ARIH2: variants seen among roughly 807,000 people sequenced by gnomAD.
ARIH2 encodes E3 ubiquitin-protein ligase ARIH2.
A neutral mutation model predicts 79.8 loss-of-function variants in ARIH2; 12 were observed. The ratio of observed to expected loss-of-function variants is 0.15; its 90% CI spans 0.10 to 0.24. The LOEUF (loss-of-function observed/expected upper bound fraction) is 0.24. Among genes scored for constraint, ARIH2 ranks in the 10% least tolerant of loss-of-function variants. The pLI is 1.00. For synonymous variants in ARIH2, 224 were observed against 213.9 expected, an observed-to-expected ratio of 1.05 and a Z score of -0.41; for missense variants, 301 against 618.3, an observed-to-expected ratio of 0.49 and a Z score of 5.44.
intron 3 of ARIH2, among the ~76,000 whole-genome samples, chr3:48,936,361 A>C (rs570135596): frequency 5.9e-5 from 9 of 152,256 alleles, no homozygotes; most frequent in African/African-American, 1.7e-4. Flanking sequence ...TTATTTCTTA[A>C]ACTGACATGA....
intron 3 of ARIH2, chr3:48,944,980 A>T: frequency 2.0e-6 from 1 of 500,186 alleles, no homozygotes; most frequent in Non-Finnish European, 3.4e-6. Context: ...TCTGCTTTTT[A>T]GTGAGTGACC....
intron 3 of ARIH2, among the ~76,000 whole-genome samples, chr3:48,940,225 C>T (rs1559751328): frequency 1.3e-5 from 2 of 152,072 alleles, no homozygotes; most frequent in Admixed American, 6.5e-5. Context: ...AAAAAATTAG[C>T]TGGGCGTGGT....
intron 3 of ARIH2, among the ~76,000 whole-genome samples, chr3:48,950,951 CT>C (rs748827327): frequency 0.018 from 2,378 of 129,126 alleles, 41 homozygotes; most frequent in African/African-American, 0.057. Flanking sequence ...CTTTCTTCTT[CT>C]TTTTTTTTTT....
intron 3 of ARIH2, among the ~76,000 whole-genome samples, chr3:48,941,136 C>T (rs1365787115): frequency 6.0e-5 from 9 of 149,186 alleles, no homozygotes; most frequent in African/African-American, 2.0e-4. Flanking sequence ...CGTGCCACTG[C>T]ACTCCAGCCT....
intron 1 of ARIH2, among the ~76,000 whole-genome samples, chr3:48,919,974 ATTTT>A (rs768780567): frequency 9.6e-5 from 13 of 135,470 alleles, no homozygotes; most frequent in Non-Finnish European, 9.7e-5. Context: ...TCTGGAGGAA[ATTTT>A]TTTTTTTTTT....
At chr3:48,961,037 A>G (rs537424014) in intron 3 of ARIH2, among the ~76,000 whole-genome samples, 1 of 152,328 alleles carries the variant, frequency 6.6e-6, no homozygotes, top group Non-Finnish European at 1.5e-5. Flanking sequence ...CCCTGAGAGC[A>G]TATAGAGGCC....
At position 48,939,521 on chromosome 3, in the gene ARIH2, G is replaced by T. The variant is rs529592376; in HGVS notation, c.255+11708G>T. On this transcript the variant is annotated intron_variant, in intron 3 of 15. Coordinates refer to ENST00000356401, the MANE Select transcript of ARIH2 (RefSeq NM_006321.4). ...GCCTGTAATCCCAGCACTTTGGGAGGCCGAGGCGGGTGGATCATGAGGTCA... is the reference window on the plus strand; with the variant it reads ...GCCTGTAATCCCAGCACTTTGGGAGTCCGAGGCGGGTGGATCATGAGGTCA... Among the ~76,000 whole-genome samples the T allele has an allele frequency of 1.9e-4, 28 of 150,622 alleles. No homozygotes were observed. In the South Asian group the frequency reaches 2.9e-3, roughly 15 times the overall value.
intron 3 of ARIH2, among the ~76,000 whole-genome samples, chr3:48,937,871 C>T (rs568831022): frequency 9.2e-5 from 14 of 152,068 alleles, no homozygotes; most frequent in Non-Finnish European, 1.3e-4. Context: ...CACAATGAAA[C>T]GCCGTCTCTA....
intron 3 of ARIH2, among the ~76,000 whole-genome samples, chr3:48,956,199 T>A (rs1327446576): frequency 6.6e-6 from 1 of 151,438 alleles, no homozygotes; most frequent in Admixed American, 6.6e-5. Flanking sequence ...AGTGCAGTGG[T>A]ACCATGTCGG....
intron 6 of ARIH2, 173 bp from the exon 7 acceptor site, chr3:48,968,361 C>T (rs2091948935): frequency 2.2e-6 from 1 of 459,002 alleles, no homozygotes; most frequent in Non-Finnish European, 4.0e-6. Context: ...GCGCCCGCCA[C>T]TACGCCCGGC....
At chr3:48,962,521 C>T (rs1366085563) in intron 4 of ARIH2, among the ~76,000 whole-genome samples, 1 of 152,184 alleles carries the variant, frequency 6.6e-6, no homozygotes, top group Non-Finnish European at 1.5e-5. Context: ...TACAAGTTGT[C>T]AGGAAAAGGG....
intron 3 of ARIH2, among the ~76,000 whole-genome samples, chr3:48,939,757 C>CAAAAAAAAAAAAA (rs1190260583): frequency 1.4e-4 from 6 of 43,530 alleles, no homozygotes; most frequent in East Asian, 1.1e-3. Flanking sequence ...GACTCCATCT[C>CAAAAAAAAAAAAA]AAAAAAAAAA....
chr3:48,977,797 T>C (rs2092588883), intron 11 of ARIH2, among the ~76,000 whole-genome samples: 2 of 152,098 alleles, frequency 1.3e-5, no homozygotes, highest in South Asian at 4.1e-4. Flanking sequence ...ACCTAGCTAA[T>C]TAAGGAGAGG....
chr3:48,980,122 G>T, intron 12 of ARIH2: 1 of 398,796 alleles, frequency 2.5e-6, no homozygotes, highest in Non-Finnish European at 4.5e-6. Flanking sequence ...GAGTCCTCAG[G>T]GCTCGAGTCC....
intron 3 of ARIH2, among the ~76,000 whole-genome samples, chr3:48,931,327 C>T (rs941794408): frequency 1.3e-5 from 2 of 152,050 alleles, no homozygotes; most frequent in East Asian, 1.9e-4. Context: ...GGGTGGATCA[C>T]GAGGTCAGGA....
At chr3:48,935,808 C>T (rs552643020) in intron 3 of ARIH2, among the ~76,000 whole-genome samples, 2 of 152,246 alleles carry the variant, frequency 1.3e-5, no homozygotes, top group Admixed American at 6.5e-5. Context: ...TTCCTTAAAA[C>T]ACATTCTCAG....
chr3:48,922,214 GC>G (rs1258097867), intron 1 of ARIH2: 1 of 151,750 alleles, frequency 6.6e-6, no homozygotes, highest in Non-Finnish European at 1.5e-5. Flanking sequence ...ACAGAGGGAG[GC>G]CCTGTCTCAA....
At chr3:48,971,732 C>T (rs1057433261) in intron 8 of ARIH2, among the ~76,000 whole-genome samples, 1 of 152,174 alleles carries the variant, frequency 6.6e-6, no homozygotes, top group African/African-American at 2.4e-5. Flanking sequence ...ACATTATTGA[C>T]ACCAAAGGTT....
intron 11 of ARIH2, among the ~76,000 whole-genome samples, chr3:48,976,966 C>T (rs1342749280): frequency 1.3e-5 from 2 of 151,634 alleles, no homozygotes; most frequent in African/African-American, 4.8e-5. Flanking sequence ...TTTGGGAGGC[C>T]GAGGTGGGCG....
Sources: allele counts gnomAD v4.1 joint callset (sites outside exome capture counted in the v4.1 genomes callset), GRCh38; gene constraint gnomAD v4.1.1; transcripts MANE v1.5; gene names NCBI Gene and HGNC (gene_info 2026-07-23, HGNC 2026-07-21).